The following PLAAT5 variants were observed in gnomAD, a reference collection of about 807,000 sequenced individuals.
PLAAT5 encodes Ca(2+)-independent N-acyltransferase.
In PLAAT5, 27 loss-of-function variants were observed where a neutral mutation model predicts 27.8. The observed-to-expected ratio is 0.97, with a 90% confidence interval of 0.72 to 1.34. The LOEUF (loss-of-function observed/expected upper bound fraction) is 1.34, where lower values mean the gene tolerates loss of function less well. PLAAT5 is among the 40% of genes most tolerant of loss of function. The pLI is 0.00. For synonymous variants in PLAAT5, 125 were observed against 136.1 expected, an observed-to-expected ratio of 0.92 and a Z score of 0.57; for missense variants, 368 against 343.8, an observed-to-expected ratio of 1.07 and a Z score of -0.56.
chr11:63,466,183 T>G lies in PLAAT5; in HGVS notation c.644A>C (p.Gln215Pro). Residue 215 changes from glutamine to proline, a missense_variant, in exon 5 of 6, where the codon CAG becomes CCG. By Grantham distance (76) the Gln-to-Pro change is moderately conservative (BLOSUM62 -1). Transcript: ENST00000540857. ...RTKKMVNKIV[Q>P]YSLIEGNCEH... ...ACAGTTCCCTTCAATCAGGCTGTAC[T>G]GCACGATCTTGTTGACCATCTTTTT... The G allele has an allele frequency of 6.2e-7, 1 of 1,614,202 alleles. No homozygotes were observed. The highest frequency in any genetic ancestry group is 1.1e-5 in the South Asian group (1 of 91,078).
intron 3 of PLAAT5, among the ~76,000 whole-genome samples, chr11:63,477,820 G>T (rs1317362427): frequency 6.6e-6 from 1 of 152,134 alleles, no homozygotes; most frequent in African/African-American, 2.4e-5. Context: ...TTAATGGCCA[G>T]AAGTTGAGCC....
At chr11:63,477,229 G>T (rs543938440) in intron 3 of PLAAT5, among the ~76,000 whole-genome samples, 18 of 152,066 alleles carry the variant, frequency 1.2e-4, no homozygotes, top group Non-Finnish European at 1.0e-4. Context: ...GTGTGTATGG[G>T]TCCCTCTTTC....
chr11:63,483,805 A>ATATG (rs2016356417), intron 3 of PLAAT5, among the ~76,000 whole-genome samples: 1 of 36,276 alleles, frequency 2.8e-5, no homozygotes, highest in Non-Finnish European at 4.4e-5. Flanking sequence ...ATATATGTAT[A>ATATG]TATATATATA....
At chr11:63,468,580 C>T in intron 3 of PLAAT5, 115 bp from the exon 4 acceptor site, 1 of 720,308 alleles carries the variant, frequency 1.4e-6, no homozygotes, top group Non-Finnish European at 2.3e-6. Context: ...CATCACTTCA[C>T]AGAAACCCAA....
At chr11:63,476,891 T>C (rs2120279251) in intron 3 of PLAAT5, among the ~76,000 whole-genome samples, 1 of 152,280 alleles carries the variant, frequency 6.6e-6, no homozygotes, top group Non-Finnish European at 1.5e-5. Flanking sequence ...CCTCCTACTC[T>C]TCATACTAGG....
At position 63,463,310 on chromosome 11, in the gene PLAAT5, C is replaced by T; in HGVS notation, c.*193G>A. ...ATACACACTAGATACCAGATCCTTC[C>T]CATCCTGAGAGTCTGTGGGTCTATG... On this transcript the variant is annotated 3_prime_UTR_variant, in exon 6 of 6. Transcript: ENST00000540857. 1 of 610,216 alleles carries T rather than the reference C, an allele frequency of 1.6e-6. No individual in the cohort carries two copies. The highest frequency in any genetic ancestry group is 3.0e-6 in the Non-Finnish European group (1 of 338,960). 37.8% of individuals were successfully genotyped at this position (610,216 alleles called of 1,614,324 possible).
intron 3 of PLAAT5, among the ~76,000 whole-genome samples, chr11:63,473,239 C>T (rs758042740): frequency 1.3e-5 from 2 of 152,242 alleles, no homozygotes; most frequent in African/African-American, 2.4e-5. Flanking sequence ...GACAACCGTG[C>T]GTCAGATAAG....
Position 63,490,984 on chromosome 11 carries a change from C to T in PLAAT5, c.51G>A (p.Arg17=), listed in dbSNP as rs2016555938. ...AEGEYALRLP[R]IPPPLPKPAS... ...CGGGTTTGGGGAGGGGTGGGGGAAT[C>T]CTAGGGAGGCGGAGCGCGTACTCCC... Residue 17 remains arginine, a synonymous_variant, in exon 1 of 6, where the codon AGG becomes AGA. Transcript: ENST00000540857. 6.4e-7 allele frequency: 1 copy of T among 1,566,048 alleles called. No homozygotes were observed. Among genetic ancestry groups the T allele is most frequent in the South Asian group, 1.2e-5 (1 of 85,764 alleles).
Position 63,466,431 on chromosome 11 carries a change from G to A in PLAAT5, c.455-59C>T. 5.2e-6 allele frequency: 8 copies of A among 1,546,308 alleles called. No homozygotes were observed. The South Asian group carries it at 9.6e-5, about 19-fold the overall frequency. ...ACAAGGAGTAGCAAAGCAGAGCACA[G>A]TCTAAGACTCTGAGTAAGCTGCTTC... On this transcript the variant is annotated intron_variant, in intron 4 of 5. Coordinates refer to ENST00000540857, the MANE Select transcript of PLAAT5 (RefSeq NM_001146729.2).
chr11:63,481,977 A>G (rs531889392), intron 3 of PLAAT5, among the ~76,000 whole-genome samples: 1 of 152,358 alleles, frequency 6.6e-6, no homozygotes, highest in African/African-American at 2.4e-5. Flanking sequence ...TAATAGGTGC[A>G]GCGCACCAAC....
At chr11:63,473,532 A>G (rs1012798989) in intron 3 of PLAAT5, among the ~76,000 whole-genome samples, 1 of 152,192 alleles carries the variant, frequency 6.6e-6, no homozygotes, top group Non-Finnish European at 1.5e-5. Context: ...TTTTCTACAT[A>G]CATTGAATTT....
Position 63,488,972 on chromosome 11 carries a change from T to A in PLAAT5, c.244A>T (p.Lys82Ter). Residue 82 changes from lysine to a stop codon, truncating the protein, a stop_gained, in exon 3 of 6, where the codon AAG becomes TAG. Transcript: ENST00000540857. LOFTEE classifies it high-confidence loss of function. ...GTGGTCTCCAAGCTAACTACAGCCT[T>A]CTCCCTAAATGATTTTGCAATCACA... ...EQGRSIQQGEKAVVSLETTPS... is the reference protein window; with the variant it reads ...EQGRSIQQGE 1 of 1,604,432 alleles carries A rather than the reference T, an allele frequency of 6.2e-7. No homozygotes were observed. Among genetic ancestry groups the A allele is most frequent in the South Asian group, 1.1e-5 (1 of 90,536 alleles).
intron 5 of PLAAT5, among the ~76,000 whole-genome samples, chr11:63,464,383 T>C (rs1008240654): frequency 6.6e-6 from 1 of 152,114 alleles, no homozygotes; most frequent in Non-Finnish European, 1.5e-5. Context: ...ATAGGTTGGG[T>C]GTGGTGGCTC....
At chr11:63,468,564 G>T in intron 3 of PLAAT5, 99 bp from the exon 4 acceptor site, 1 of 837,298 alleles carries the variant, frequency 1.2e-6, no homozygotes, top group Non-Finnish European at 1.9e-6. Context: ...TCCCCTCAGT[G>T]TGGTTCATCA....
intron 3 of PLAAT5, among the ~76,000 whole-genome samples, chr11:63,475,370 A>G (rs1044638385): frequency 1.3e-5 from 2 of 151,972 alleles, no homozygotes; most frequent in Non-Finnish European, 1.5e-5. Context: ...TATCTTCCTG[A>G]TGAATTCACC....
chr11:63,478,985 T>A (rs2016219032), intron 3 of PLAAT5, among the ~76,000 whole-genome samples: 1 of 152,170 alleles, frequency 6.6e-6, no homozygotes, highest in African/African-American at 2.4e-5. Context: ...GGCAGCCACA[T>A]ATCCACTAGA....
At chr11:63,480,092 G>A (rs1392731924) in intron 3 of PLAAT5, among the ~76,000 whole-genome samples, 2 of 152,162 alleles carry the variant, frequency 1.3e-5, no homozygotes. Flanking sequence ...GGACGGTCAC[G>A]TCTGTTCTTT....
chr11:63,484,679 C>T lies in PLAAT5; in HGVS notation c.345+4192G>A, dbSNP rs547108079. Among the ~76,000 whole-genome samples, 3 of 152,224 alleles carry T rather than the reference C, an allele frequency of 2.0e-5. No individual in the cohort carries two copies. In the South Asian group the frequency reaches 6.2e-4, roughly 32 times the overall value. On this transcript the variant is annotated intron_variant, in intron 3 of 5. Transcript: ENST00000540857. ...AAAGCCATCTACGACAAACCCACAG[C>T]CAACATTATAGTGATTGGGGAAAAG... is the stretch of plus-strand genomic sequence containing the variant.
chr11:63,484,365 C>A (rs2016385352), intron 3 of PLAAT5, among the ~76,000 whole-genome samples: 1 of 151,898 alleles, frequency 6.6e-6, no homozygotes, highest in African/African-American at 2.4e-5. Flanking sequence ...GACCAATATC[C>A]CTGATGAACA....
Sources: allele counts gnomAD v4.1 joint callset (sites outside exome capture counted in the v4.1 genomes callset), GRCh38; gene constraint gnomAD v4.1.1; transcripts MANE v1.5; gene names NCBI Gene and HGNC (gene_info 2026-07-23, HGNC 2026-07-21).